The following EGF variants were observed in gnomAD, a reference collection of about 807,000 sequenced individuals.
EGF encodes the protein pro-epidermal growth factor.
A neutral mutation model predicts 143.8 loss-of-function variants in EGF; 95 were observed. That is an observed-to-expected ratio of 0.66 (90% CI 0.56 to 0.78). The LOEUF is 0.78. Among genes scored for constraint, EGF ranks in the 30% least tolerant of loss-of-function variants. EGF has a pLI of 0.00. For missense variants in EGF, 1,320 were observed against 1,470.9 expected (o/e 0.90, Z 1.68); for synonymous variants, 510 against 510.5 (o/e 1.00, Z 0.01).
intron 1 of EGF, among the ~76,000 whole-genome samples, chr4:109,925,532 C>T (rs563949289): frequency 2.7e-4 from 41 of 152,246 alleles, no homozygotes; most frequent in African/African-American, 8.9e-4. Context: ...AACCAAGACA[C>T]GGAGAGGTTA....
chr4:109,957,335 G>T (rs1341348840), intron 5 of EGF, among the ~76,000 whole-genome samples: 1 of 152,152 alleles, frequency 6.6e-6, no homozygotes, highest in East Asian at 1.9e-4. Flanking sequence ...GCTTTAACTG[G>T]TATCATAAGG....
At chr4:109,915,496 T>G (rs76558270) in intron 1 of EGF, among the ~76,000 whole-genome samples, 7 of 152,314 alleles carry the variant, frequency 4.6e-5, no homozygotes, top group Non-Finnish European at 1.0e-4. Context: ...GAGTGTGGAA[T>G]GTGTGGATGG....
chr4:109,970,915 G>T (rs1364193217), intron 11 of EGF, among the ~76,000 whole-genome samples: 1 of 151,272 alleles, frequency 6.6e-6, no homozygotes. Flanking sequence ...TACATCCAAG[G>T]TGAGCATATT....
intron 18 of EGF, among the ~76,000 whole-genome samples, chr4:109,990,123 G>A (rs1560746284): frequency 6.6e-6 from 1 of 152,036 alleles, no homozygotes; most frequent in Non-Finnish European, 1.5e-5. Flanking sequence ...ATTATATCAG[G>A]AACTCATAAA....
At chr4:109,986,378 A>G (rs1345493828) in intron 16 of EGF, among the ~76,000 whole-genome samples, 3 of 152,226 alleles carry the variant, frequency 2.0e-5, no homozygotes, top group Non-Finnish European at 4.4e-5. Context: ...AATTAAATGG[A>G]TAATTGATTT....
intron 9 of EGF, among the ~76,000 whole-genome samples, chr4:109,963,703 G>T (rs923119708): frequency 6.6e-6 from 1 of 151,982 alleles, no homozygotes; most frequent in African/African-American, 2.4e-5. Flanking sequence ...TCAATATAAA[G>T]TTGTACGCTT....
At chr4:109,948,754 G>A (rs1286900413) in intron 5 of EGF, among the ~76,000 whole-genome samples, 1 of 152,150 alleles carries the variant, frequency 6.6e-6, no homozygotes, top group Non-Finnish European at 1.5e-5. Context: ...CCAAAGTGCT[G>A]GGATTACAGG....
intron 18 of EGF, among the ~76,000 whole-genome samples, chr4:109,991,009 A>T (rs913828418): frequency 6.6e-6 from 1 of 152,178 alleles, no homozygotes; most frequent in Non-Finnish European, 1.5e-5. Context: ...AGCCTGTAAC[A>T]GATGGGTTGG....
intron 1 of EGF, among the ~76,000 whole-genome samples, chr4:109,935,723 G>A (rs1441841346): frequency 1.3e-5 from 2 of 151,996 alleles, no homozygotes; most frequent in Admixed American, 6.6e-5. Flanking sequence ...TTTGAGATAC[G>A]TTCCATCAAT....
chr4:109,926,448 G>C (rs1350997618), intron 1 of EGF, among the ~76,000 whole-genome samples: 1 of 150,928 alleles, frequency 6.6e-6, no homozygotes, highest in East Asian at 2.0e-4. Context: ...TCCACCTCTC[G>C]GGTTCACGCC....
chr4:109,999,967 A>C (rs1187658026), intron 21 of EGF, 121 bp downstream of exon 21: 7 of 1,454,770 alleles, frequency 4.8e-6, no homozygotes, highest in Middle Eastern at 2.4e-4. Flanking sequence ...AAAACGTGAA[A>C]TAGGCTGGGT....
rs150156225 is a variant in EGF at position 109,918,346 on chromosome 4, G to A, written c.127+4884G>A. Among the ~76,000 whole-genome samples, 67 of 151,652 alleles carry A rather than the reference G, an allele frequency of 4.4e-4. No individual in the cohort carries two copies. In the South Asian group the frequency reaches 0.012, roughly 27 times the overall value. The stretch of plus-strand genomic sequence containing the variant: ...TGTGTAATGGTAGAAACAGAAATGC[G>A]TGTGGTTGTGCTGAGATTCTTCCGG... On this transcript the variant is annotated intron_variant, in intron 1 of 23. Coordinates refer to ENST00000265171, the MANE Select transcript of EGF (RefSeq NM_001963.6).
chr4:109,986,687 C>T (rs62325264), intron 16 of EGF, among the ~76,000 whole-genome samples: 2,016 of 151,970 alleles, frequency 0.013, 20 homozygotes, highest in Non-Finnish European at 0.024. Context: ...TCAGATTCCC[C>T]CAACTCCAAA....
At position 109,945,262 on chromosome 4, in the gene EGF, C is replaced by A. The variant is rs149782177; in HGVS notation, c.927C>A (p.Asp309Glu). The A allele has an allele frequency of 5.1e-5, 82 of 1,613,708 alleles. No homozygotes were observed. Among genetic ancestry groups the A allele is most frequent in the Admixed American group, 6.7e-5 (4 of 59,982 alleles). ...TTGCACAACCCAAGGCAGAAGATGA[C>A]ACTTGGGAGCCTGGTGAGTCATCGT... ...HPLAQPKAED[D>E]TWEPEQKLCK... Residue 309 changes from aspartate (D) to glutamate (E), a missense_variant, in exon 5 of 24, where the codon GAC becomes GAA. Around this residue, in one of 5 missense-constraint regions of EGF, gnomAD observed 1,186 missense variants for 1,313.7 expected, o/e 0.90. Coordinates refer to ENST00000265171, the MANE Select transcript of EGF (RefSeq NM_001963.6).
In EGF at chr4:109,999,756, G is replaced by A. The variant is rs1313536333; in HGVS notation, c.3083G>A (p.Gly1028Glu). Residue 1028 changes from glycine to glutamate, a missense_variant, in exon 21 of 24, where the codon GGG (glycine) becomes GAG (glutamate). By Grantham distance (98) the Gly-to-Glu change is moderately conservative. This residue lies in a region of EGF where 1,186 missense variants were observed against 1,313.7 expected (regional missense o/e 0.90). Transcript: ENST00000265171. ...KWWELRHAGH[G>E]QQQKVIVVAV... ...TGGGAACTGCGCCACGCTGGCCACGGGCAGCAGCAGAAGGTCATCGTGGTG... is the reference window on the plus strand; with the variant it reads ...TGGGAACTGCGCCACGCTGGCCACGAGCAGCAGCAGAAGGTCATCGTGGTG... The A allele has an allele frequency of 6.2e-7, 1 of 1,614,078 alleles. No homozygotes were observed. The highest frequency in any genetic ancestry group is 8.5e-7 in the Non-Finnish European group (1 of 1,180,014).
intron 18 of EGF, among the ~76,000 whole-genome samples, chr4:109,990,612 T>G (rs1280647317): frequency 6.6e-6 from 1 of 152,292 alleles, no homozygotes; most frequent in Non-Finnish European, 1.5e-5. Flanking sequence ...TATCCTAGAC[T>G]GGATGGCCTA....
intron 1 of EGF, among the ~76,000 whole-genome samples, chr4:109,935,799 T>C (rs961445161): frequency 1.3e-5 from 2 of 152,216 alleles, no homozygotes; most frequent in Non-Finnish European, 2.9e-5. Context: ...TCTATTGAGA[T>C]AATCGTGTGG....
intron 13 of EGF, 35 bp from the exon 14 acceptor site, chr4:109,979,937 A>G: frequency 6.2e-7 from 1 of 1,612,256 alleles, no homozygotes; most frequent in Non-Finnish European, 8.5e-7. Context: ...GCAAAGACAA[A>G]GAAGGTGTAT....
chr4:109,994,781 T>G lies in EGF; in HGVS notation c.2906T>G (p.Val969Gly). The part of the protein sequence containing the change: ...HLREDDHHYS[V>G]RNSDSECPLS... ...AGGGAAGATGACCACCACTATTCCG[T>G]AAGAAATAGTGACTCTGAATGTCCC... The change falls in exon 20 of 24, where the codon GTA becomes GGA. Residue 969 changes from valine (V) to glycine (G), a missense_variant. Physicochemically the swap from Val to Gly is moderately radical, Grantham distance 109 (BLOSUM62 -3). Around this residue, in one of 5 missense-constraint regions of EGF, gnomAD observed 1,186 missense variants for 1,313.7 expected, o/e 0.90. Coordinates refer to ENST00000265171, the MANE Select transcript of EGF (RefSeq NM_001963.6). 3.1e-6 allele frequency: 5 copies of G among 1,614,162 alleles called. No homozygotes were observed. Among genetic ancestry groups the G allele is most frequent in the Non-Finnish European group, 4.2e-6 (5 of 1,180,000 alleles).
Sources: allele counts gnomAD v4.1 joint callset (sites outside exome capture counted in the v4.1 genomes callset), GRCh38; gene constraint gnomAD v4.1.1; regional missense constraint gnomAD v4.1.1; transcripts MANE v1.5; gene names NCBI Gene and HGNC (gene_info 2026-07-23, HGNC 2026-07-21).